DPP6: variants seen among roughly 807,000 people sequenced by gnomAD.
DPP6 encodes dipeptidyl peptidase like 6, also known as A-type potassium channel modulatory protein DPP6.
Under a neutral mutation model 122.6 loss-of-function variants are expected in DPP6, and 69 were observed. That is an observed-to-expected ratio of 0.56 (90% CI 0.46 to 0.69). The LOEUF (loss-of-function observed/expected upper bound fraction) is 0.69. DPP6 is among the 30% of genes least tolerant of loss of function. DPP6 has a pLI of 0.00. For missense variants in DPP6, 928 were observed against 1,116.9 expected (o/e 0.83, Z 2.41); for synonymous variants, 418 against 433.1 (o/e 0.97, Z 0.43).
chr7:154,393,354 C>G (rs1314748852), intron 1 of DPP6, among the ~76,000 whole-genome samples: 2 of 152,170 alleles, frequency 1.3e-5, no homozygotes, highest in Admixed American at 1.3e-4. Flanking sequence ...TTGGACGAGC[C>G]TAGTGCAAAC....
At chr7:154,782,736 T>A (rs975956329) in intron 10 of DPP6, among the ~76,000 whole-genome samples, 2 of 152,156 alleles carry the variant, frequency 1.3e-5, no homozygotes, top group Non-Finnish European at 2.9e-5. Flanking sequence ...AGTTTCAGAT[T>A]CAGAGGGTCT....
the DPP6 span, among the ~76,000 whole-genome samples, chr7:153,752,216 G>T: frequency 1.1e-4 from 16 of 151,878 alleles, no homozygotes; most frequent in Admixed American, 9.2e-4. Context: ...TTTATTAAGG[G>T]GGAGCATGTG....
chr7:154,313,578 G>A (rs1166807524), intron 1 of DPP6, among the ~76,000 whole-genome samples: 1 of 150,222 alleles, frequency 6.7e-6, no homozygotes, highest in African/African-American at 2.5e-5. Flanking sequence ...GTTTTGATAG[G>A]TGAAAAAAGG....
chr7:153,799,544 G>T, the DPP6 span, among the ~76,000 whole-genome samples: 1 of 152,182 alleles, frequency 6.6e-6, no homozygotes, highest in African/African-American at 2.4e-5. Flanking sequence ...CTCTACTGCA[G>T]CTGTCCTGAT....
At position 154,668,197 on chromosome 7, in the gene DPP6, T is replaced by TTATATATATA. The variant is rs10668895; in HGVS notation, c.681-1150_681-1141dup. 3.5e-3 allele frequency among the ~76,000 whole-genome samples: 128 copies of TTATATATATA among 36,474 alleles called. 14 individuals are homozygous for TTATATATATA. The highest frequency in any genetic ancestry group is 0.014 in the South Asian group (7 of 484). The allele number at this position is 36,474 out of a possible 152,430, so 23.9% of individuals were successfully genotyped here. A position where few individuals can be genotyped will look rare whatever the true frequency, so the allele number is the denominator to read the frequency against. ...GTGCATTCCCAGCTATGTGTATATT[T>TTATATATATA]TATATATATATATATATATATAATA... On this transcript the variant is annotated intron_variant, in intron 6 of 25. Transcript: ENST00000377770.
chr7:154,373,714 AT>A (rs59863636), intron 1 of DPP6, among the ~76,000 whole-genome samples: 124,350 of 151,688 alleles, frequency 0.82, 51,284 homozygotes, highest in East Asian at 0.88. Context: ...CTGTGCAGGC[AT>A]TTTCCACCAT....
intron 1 of DPP6, among the ~76,000 whole-genome samples, chr7:154,324,102 G>A (rs965248332): frequency 2.0e-5 from 3 of 152,178 alleles, no homozygotes; most frequent in Admixed American, 6.5e-5. Flanking sequence ...AGTGGGTGGG[G>A]TTCGTGGAAA....
chr7:154,174,881 T>TC (rs1797717825), intron 1 of DPP6, among the ~76,000 whole-genome samples: 1 of 150,006 alleles, frequency 6.7e-6, no homozygotes, highest in Non-Finnish European at 1.5e-5. Flanking sequence ...TTTCTTTCTT[T>TC]TTTTTTTTGT....
intron 1 of DPP6, among the ~76,000 whole-genome samples, chr7:154,109,006 T>C (rs565362507): frequency 3.3e-5 from 5 of 152,376 alleles, no homozygotes; most frequent in East Asian, 3.9e-4. Flanking sequence ...GTTTGTTACA[T>C]AGAGAAGCTT....
At chr7:154,214,641 G>A (rs1799903155) in intron 1 of DPP6, among the ~76,000 whole-genome samples, 1 of 152,190 alleles carries the variant, frequency 6.6e-6, no homozygotes, top group Non-Finnish European at 1.5e-5. Flanking sequence ...TCTTCACTGG[G>A]CATGGTGGCT....
intron 7 of DPP6, among the ~76,000 whole-genome samples, chr7:154,695,933 A>G (rs1207027421): frequency 2.0e-5 from 3 of 152,162 alleles, no homozygotes; most frequent in African/African-American, 7.2e-5. Flanking sequence ...CCCGAAAGCC[A>G]CAGGTCTCAG....
chr7:153,791,424 CTT>C, the DPP6 span, among the ~76,000 whole-genome samples: 3 of 91,624 alleles, frequency 3.3e-5, no homozygotes, highest in African/African-American at 4.2e-5. Context: ...TCCTTCCTTT[CTT>C]TTTTTTTTTT....
the DPP6 span, among the ~76,000 whole-genome samples, chr7:153,786,603 G>T: frequency 6.6e-6 from 1 of 151,718 alleles, no homozygotes; most frequent in African/African-American, 2.4e-5. Flanking sequence ...GCCGGGCGTG[G>T]TGGCGCGCAC....
intron 1 of DPP6, among the ~76,000 whole-genome samples, chr7:154,224,996 G>C (rs1800511122): frequency 6.6e-6 from 1 of 152,036 alleles, no homozygotes; most frequent in South Asian, 2.1e-4. Flanking sequence ...ACAAAAATTA[G>C]CCAGGCATGG....
chr7:154,402,902 G>C (rs1815761168), intron 1 of DPP6, among the ~76,000 whole-genome samples: 1 of 152,104 alleles, frequency 6.6e-6, no homozygotes, highest in African/African-American at 2.4e-5. Context: ...AAGTAGAAAA[G>C]ATTTGCATGT....
intron 6 of DPP6, 129 bp downstream of exon 6, chr7:154,638,002 A>G (rs181755027): frequency 9.8e-7 from 1 of 1,017,206 alleles, no homozygotes; most frequent in Non-Finnish European, 1.4e-6. Context: ...GGGTGCTGGT[A>G]TCGTGGCACC....
intron 7 of DPP6, among the ~76,000 whole-genome samples, chr7:154,726,788 T>A (rs1451636813): frequency 2.0e-5 from 3 of 152,248 alleles, no homozygotes; most frequent in Non-Finnish European, 4.4e-5. Flanking sequence ...ACTTTTATGC[T>A]CAGCTTCCCT....
At chr7:154,537,572 C>T (rs1443980321) in intron 3 of DPP6, among the ~76,000 whole-genome samples, 3 of 152,108 alleles carry the variant, frequency 2.0e-5, no homozygotes, top group Admixed American at 1.3e-4. Context: ...AGCTTGTAAT[C>T]CCAGCTACTG....
intron 21 of DPP6, among the ~76,000 whole-genome samples, chr7:154,881,487 G>A (rs3823533): frequency 0.36 from 55,278 of 151,984 alleles, 10,600 homozygotes; most frequent in East Asian, 0.55. Context: ...ACCTACTATG[G>A]CCCTGGTACA....
Sources: gnomAD v4.1 joint callset for allele counts (sites outside exome capture counted in the v4.1 genomes callset) on GRCh38, gnomAD v4.1.1 for gene constraint, MANE v1.5 for transcripts, NCBI Gene and HGNC (gene_info 2026-07-23, HGNC 2026-07-21) for gene names.